Variants in GPC6 observed in about 807,000 individuals in gnomAD.
GPC6 encodes the protein glypican-6.
Under a neutral mutation model 55.2 loss-of-function variants are expected in GPC6, and 14 were observed. The observed-to-expected ratio is 0.25, with a 90% CI of 0.17 to 0.40. The LOEUF (loss-of-function observed/expected upper bound fraction) is 0.40. Ranked by LOEUF, GPC6 falls within the 10% of genes least tolerant of loss-of-function variation. The probability of loss-of-function intolerance (pLI) is 1.00; values close to 1 mark genes in which losing one functional copy is unlikely to be tolerated. For missense variants in GPC6, 641 were observed against 708.5 expected, an observed-to-expected ratio of 0.90 and a Z score of 1.08; for synonymous variants, 278 against 259.6, an observed-to-expected ratio of 1.07 and a Z score of -0.68.
At chr13:93,816,751 T>C (rs76052914) in intron 2 of GPC6, among the ~76,000 whole-genome samples, 1,913 of 152,248 alleles carry the variant, frequency 0.013, 40 homozygotes, top group African/African-American at 0.043. Flanking sequence ...AACTATATTC[T>C]TCAACCAATT....
At chr13:93,999,365 T>C (rs1454889221) in intron 3 of GPC6, among the ~76,000 whole-genome samples, 1 of 152,186 alleles carries the variant, frequency 6.6e-6, no homozygotes, top group Non-Finnish European at 1.5e-5. Flanking sequence ...TGAACTCATC[T>C]TTTTTATGGC....
chr13:94,045,512 G>C (rs1442174863), intron 4 of GPC6, among the ~76,000 whole-genome samples: 1 of 151,792 alleles, frequency 6.6e-6, no homozygotes, highest in East Asian at 1.9e-4. Flanking sequence ...TTTGTTTTGT[G>C]ATCAGTGAAT....
chr13:93,381,788 C>A (rs2139204979), intron 1 of GPC6, among the ~76,000 whole-genome samples: 1 of 152,250 alleles, frequency 6.6e-6, no homozygotes, highest in East Asian at 1.9e-4. Context: ...ATTATCATGA[C>A]TTTCCACCAC....
intron 1 of GPC6, among the ~76,000 whole-genome samples, chr13:93,335,220 C>A (rs1328898582): frequency 6.6e-6 from 1 of 152,148 alleles, no homozygotes; most frequent in Non-Finnish European, 1.5e-5. Flanking sequence ...CGTAAAAATA[C>A]CTGTTACGTT....
chr13:93,455,064 C>G (rs1032406340), intron 1 of GPC6, among the ~76,000 whole-genome samples: 1 of 152,182 alleles, frequency 6.6e-6, no homozygotes, highest in Non-Finnish European at 1.5e-5. Flanking sequence ...CCGGCAGGGC[C>G]GGCCGGCTGC....
chr13:93,820,099 TTGAAGTACTTTG>T (rs953382022), intron 2 of GPC6, among the ~76,000 whole-genome samples: 4 of 152,188 alleles, frequency 2.6e-5, no homozygotes, highest in African/African-American at 9.7e-5. Context: ...TGGAATTAAA[TTGAAGTACTTTG>T]GTGCAAGGTA....
At chr13:93,664,293 T>A (rs1881044695) in intron 2 of GPC6, among the ~76,000 whole-genome samples, 1 of 152,210 alleles carries the variant, frequency 6.6e-6, no homozygotes, top group African/African-American at 2.4e-5. Flanking sequence ...TTCAAGATCA[T>A]GCTTTTAAAA....
intron 4 of GPC6, among the ~76,000 whole-genome samples, chr13:94,285,692 A>C (rs1476949974): frequency 6.6e-6 from 1 of 152,200 alleles, no homozygotes; most frequent in Non-Finnish European, 1.5e-5. Context: ...TTTCCAAGCA[A>C]TACTGAGTTC....
intron 1 of GPC6, among the ~76,000 whole-genome samples, chr13:93,399,545 A>G (rs1875992315): frequency 6.6e-6 from 1 of 152,246 alleles, no homozygotes; most frequent in Non-Finnish European, 1.5e-5. Flanking sequence ...CTACGCATAC[A>G]CGAGATGCTG....
chr13:93,500,558 A>T (rs539021381), intron 1 of GPC6, among the ~76,000 whole-genome samples: 1 of 152,314 alleles, frequency 6.6e-6, no homozygotes, highest in Non-Finnish European at 1.5e-5. Context: ...ATATCCCACG[A>T]ACATATATCT....
chr13:93,705,772 C>A (rs1242835669), intron 2 of GPC6, among the ~76,000 whole-genome samples: 1 of 151,396 alleles, frequency 6.6e-6, no homozygotes, highest in Non-Finnish European at 1.5e-5. Flanking sequence ...TGAGTACTTG[C>A]CAATAATTAG....
chr13:94,185,985 G>A (rs949806809), intron 4 of GPC6, among the ~76,000 whole-genome samples: 2 of 149,036 alleles, frequency 1.3e-5, no homozygotes, highest in South Asian at 2.1e-4. Flanking sequence ...GCATGAACCC[G>A]GGAGGCGGAG....
chr13:93,280,288 G>A (rs1877905802), intron 1 of GPC6, among the ~76,000 whole-genome samples: 1 of 152,118 alleles, frequency 6.6e-6, no homozygotes, highest in Non-Finnish European at 1.5e-5. Context: ...ATTCAGCTTT[G>A]CAAACATCCC....
chr13:93,777,781 T>C (rs961467361), intron 2 of GPC6, among the ~76,000 whole-genome samples: 2 of 152,218 alleles, frequency 1.3e-5, no homozygotes, highest in Admixed American at 6.5e-5. Flanking sequence ...TGTACCTACA[T>C]ATATCTATAC....
chr13:93,856,727 G>A (rs1888625625), intron 3 of GPC6, among the ~76,000 whole-genome samples: 2 of 151,678 alleles, frequency 1.3e-5, no homozygotes, highest in African/African-American at 4.8e-5. Context: ...CATGTTTGAG[G>A]TGGCTATAGC....
At chr13:94,036,506 G>A (rs1594684832) in intron 4 of GPC6, among the ~76,000 whole-genome samples, 1 of 152,028 alleles carries the variant, frequency 6.6e-6, no homozygotes, top group East Asian at 1.9e-4. Context: ...GAATCTTCTA[G>A]AAACATAACA....
At chr13:93,989,888 A>G (rs2140413902) in intron 3 of GPC6, among the ~76,000 whole-genome samples, 1 of 146,206 alleles carries the variant, frequency 6.8e-6, no homozygotes, top group South Asian at 2.2e-4. Context: ...TTATATATGT[A>G]TATATGTGTG....
chr13:93,968,734 T>A (rs1242510419), intron 3 of GPC6, among the ~76,000 whole-genome samples: 1 of 152,208 alleles, frequency 6.6e-6, no homozygotes, highest in Non-Finnish European at 1.5e-5. Flanking sequence ...TAGATCCTAT[T>A]CTAATGAACT....
At chr13:93,676,847 A>C (rs974117524) in intron 2 of GPC6, among the ~76,000 whole-genome samples, 1 of 151,962 alleles carries the variant, frequency 6.6e-6, no homozygotes, top group Non-Finnish European at 1.5e-5. Context: ...AAAACCTGGG[A>C]CAAGTTTGAT....
Sources: gnomAD v4.1 joint callset for allele counts (sites outside exome capture counted in the v4.1 genomes callset) on GRCh38, gnomAD v4.1.1 for gene constraint, MANE v1.5 for transcripts, NCBI Gene and HGNC (gene_info 2026-07-23, HGNC 2026-07-21) for gene names.